Variants in TRPC5OS observed in about 807,000 individuals in gnomAD.
TRPC5OS encodes TRPC5 opposite strand.
For synonymous variants in TRPC5OS, 30 were observed against 29.3 expected (o/e 1.02, Z -0.08); for missense variants, 64 against 79.3 (o/e 0.81, Z 0.73).
intron 1 of TRPC5OS, among the ~76,000 whole-genome samples, chrX:111,878,860 G>A (rs1039195611): frequency 1.8e-5 from 2 of 111,878 alleles, no homozygotes; most frequent in Non-Finnish European, 3.8e-5. Context: ...AGAAAGACAT[G>A]TGTAACCTTC....
At chrX:111,876,150 G>A (rs58146844), upstream of TRPC5OS, 4 of 111,003 alleles carry the variant, frequency 3.6e-5, no homozygotes, top group Non-Finnish European at 7.6e-5. Context: ...CGGAAGAGGA[G>A]GTTACCTACC....
chrX:111,876,977 C>T (rs901042531), intron 1 of TRPC5OS, among the ~76,000 whole-genome samples: 14 of 111,520 alleles, frequency 1.3e-4, no homozygotes, highest in African/African-American at 4.6e-4. Context: ...ATGCTGTTCT[C>T]GGAGTTCATT....
rs41309516 is a variant in TRPC5OS, at chrX:111,901,538, A to G, written c.-310-2A>G. ...CTTTATATCTCTCTTTTTTATTATTAGGTCTGCTTTGCTGTTTTCTCTTGG... is the reference window on the plus strand; with the variant it reads ...CTTTATATCTCTCTTTTTTATTATTGGGTCTGCTTTGCTGTTTTCTCTTGG... On this transcript the variant is annotated splice_acceptor_variant, in intron 3 of 3. Coordinates refer to ENST00000635763, the MANE Select transcript of TRPC5OS (RefSeq NM_001195578.2). LOFTEE classifies it low-confidence loss of function (5UTR_SPLICE). 6.1e-5 allele frequency: 10 copies of G among 164,250 alleles called. No individual in the cohort carries two copies. Among genetic ancestry groups the G allele is most frequent in the Non-Finnish European group, 1.1e-4 (10 of 87,645 alleles). 13.5% of individuals were successfully genotyped at this position (164,250 alleles called of 1,213,427 possible).
At chrX:111,893,327 A>G (rs1466703386) in intron 1 of TRPC5OS, among the ~76,000 whole-genome samples, 1 of 111,388 alleles carries the variant, frequency 9.0e-6, no homozygotes, top group Non-Finnish European at 1.9e-5. Context: ...TAGAAGTATT[A>G]CATCTCTTTC....
intron 1 of TRPC5OS, among the ~76,000 whole-genome samples, chrX:111,890,923 A>G (rs1924775405): frequency 9.0e-6 from 1 of 110,739 alleles, no homozygotes; most frequent in African/African-American, 3.3e-5. Flanking sequence ...TTATGTGTCC[A>G]TGTGTTTTCA....
intron 1 of TRPC5OS, among the ~76,000 whole-genome samples, chrX:111,884,585 T>C (rs987937701): frequency 5.3e-5 from 6 of 112,704 alleles, no homozygotes; most frequent in Admixed American, 9.3e-5. Flanking sequence ...GGACTAAGCC[T>C]GGGTAAGGTC....
rs1364902302 is a variant in TRPC5OS, at chrX:111,903,710, AAG to A, written c.*1530_*1531del. 8.9e-6 allele frequency: 1 copy of A among 112,023 alleles called. No individual in the cohort carries two copies. Among genetic ancestry groups the A allele is most frequent in the African/African-American group, 3.2e-5 (1 of 30,856 alleles). The allele number at this position is 112,023 out of a possible 1,213,427, so 9.2% of individuals were successfully genotyped here. A position where few individuals can be genotyped will look rare whatever the true frequency, so the allele number is the denominator to read the frequency against. On this transcript the variant is annotated 3_prime_UTR_variant, in exon 4 of 4. Transcript: ENST00000635763. ...CCAATTATTATATAGCATGGCAGAA[AAG>A]AGAGGGGCTCATCATTCTGAGACAA...
At chrX:111,888,571 G>C (rs150853337) in intron 1 of TRPC5OS, among the ~76,000 whole-genome samples, 1,248 of 105,447 alleles carry the variant, frequency 0.012, 24 homozygotes, top group African/African-American at 0.041. Context: ...GCAGGTGCCT[G>C]TAATCCCAGC....
chrX:111,901,774 T>C lies in TRPC5OS; in HGVS notation c.-76T>C. ...CCACAGAACCATTGTTAGCCCCTTATACTATCCATTGTCACCAAGAGTCCA... is the reference window on the plus strand; with the variant it reads ...CCACAGAACCATTGTTAGCCCCTTACACTATCCATTGTCACCAAGAGTCCA... On this transcript the variant is annotated 5_prime_UTR_variant, in exon 4 of 4. Coordinates refer to ENST00000635763, the MANE Select transcript of TRPC5OS (RefSeq NM_001195578.2). 2 of 824,947 alleles carry C rather than the reference T, an allele frequency of 2.4e-6. No homozygotes were observed. The highest frequency in any genetic ancestry group is 3.3e-6 in the Non-Finnish European group (2 of 604,619). 68.0% of individuals were successfully genotyped at this position (824,947 alleles called of 1,213,427 possible). A position where few individuals can be genotyped will look rare whatever the true frequency, so the allele number is the denominator to read the frequency against.
intron 1 of TRPC5OS, among the ~76,000 whole-genome samples, chrX:111,891,791 C>T (rs1350870256): frequency 9.0e-6 from 1 of 111,424 alleles, no homozygotes; most frequent in Non-Finnish European, 1.9e-5. Flanking sequence ...TCGTGATCTG[C>T]CTGCCTTGGC....
chrX:111,898,251 TTATATA>T (rs58112324), intron 3 of TRPC5OS, among the ~76,000 whole-genome samples: 7,564 of 92,314 alleles, frequency 0.082, 347 homozygotes, highest in African/African-American at 0.17. Context: ...GTAGGGGTTC[TTATATA>T]TATATATATA....
intron 3 of TRPC5OS, among the ~76,000 whole-genome samples, chrX:111,900,601 G>C (rs1925292804): frequency 9.0e-6 from 1 of 111,531 alleles, no homozygotes; most frequent in African/African-American, 3.3e-5. Context: ...AACTAATGTA[G>C]ACCCTGAAGC....
intron 3 of TRPC5OS, among the ~76,000 whole-genome samples, chrX:111,897,275 C>T (rs1177764833): frequency 9.0e-6 from 1 of 111,547 alleles, no homozygotes; most frequent in African/African-American, 3.3e-5. Flanking sequence ...CCTTGACACA[C>T]AATAGGTCTC....
At chrX:111,886,570 G>A (rs1924508153) in intron 1 of TRPC5OS, among the ~76,000 whole-genome samples, 1 of 111,719 alleles carries the variant, frequency 9.0e-6, no homozygotes, top group Admixed American at 9.5e-5. Flanking sequence ...TCAACCACTC[G>A]ATTTGGCGTG....
chrX:111,890,962 C>T (rs760123742), intron 1 of TRPC5OS, among the ~76,000 whole-genome samples: 10 of 111,363 alleles, frequency 9.0e-5, no homozygotes, highest in Middle Eastern at 4.6e-3. Context: ...TAAGTAAGAA[C>T]GTGAGGTATT....
At chrX:111,893,987 G>A (rs774764531) in intron 1 of TRPC5OS, among the ~76,000 whole-genome samples, 15 of 111,719 alleles carry the variant, frequency 1.3e-4, no homozygotes, top group African/African-American at 4.9e-4. Context: ...AGAGGGTAAC[G>A]AGAAGTTATA....
chrX:111,894,285 T>C (rs766378108), intron 1 of TRPC5OS, among the ~76,000 whole-genome samples: 71 of 111,897 alleles, frequency 6.3e-4, no homozygotes, highest in Non-Finnish European at 1.2e-3. Context: ...GTTAGACACT[T>C]ATTGCCAGTT....
At chrX:111,877,649 A>G (rs1439361852) in intron 1 of TRPC5OS, among the ~76,000 whole-genome samples, 1 of 111,282 alleles carries the variant, frequency 9.0e-6, no homozygotes, top group Non-Finnish European at 1.9e-5. Context: ...AGGAGTTGGT[A>G]TAATAATTAA....
rs769668200 is a variant in TRPC5OS at position 111,885,201 on chromosome X, T to TA, written c.-546+8930dup. On this transcript the variant is annotated intron_variant, in intron 1 of 3. Transcript: ENST00000635763. ...GTCTAGATAAGGCATTGCCAGGACC[T>TA]AAGTCTAGAGAAGGCCTATTCATTT... Among the ~76,000 whole-genome samples the TA allele has an allele frequency of 4.4e-5, 5 of 113,008 alleles. No individual in the cohort carries two copies. The East Asian group carries it at 1.4e-3, about 31-fold the overall frequency.
Sources: allele counts gnomAD v4.1 joint callset (sites outside exome capture counted in the v4.1 genomes callset), GRCh38; gene constraint gnomAD v4.1.1; transcripts MANE v1.5; gene names NCBI Gene and HGNC (gene_info 2026-07-23, HGNC 2026-07-21).